TMEM132C: variants seen among roughly 807,000 people sequenced by gnomAD.
TMEM132C encodes the protein protein phosphatase 1, regulatory subunit 152.
A neutral mutation model predicts 61.4 loss-of-function variants in TMEM132C; 29 were observed. That is an observed-to-expected ratio of 0.47 (90% CI 0.35 to 0.64). TMEM132C has a LOEUF of 0.64. Ranked by LOEUF, TMEM132C falls within the 30% of genes least tolerant of loss-of-function variation. The pLI is 0.00. For missense variants in TMEM132C, 1,408 were observed against 1,476.9 expected, an observed-to-expected ratio of 0.95 and a Z score of 0.76; for synonymous variants, 656 against 633.1, an observed-to-expected ratio of 1.04 and a Z score of -0.54.
chr12:128,684,927 C>T (rs940682047), intron 5 of TMEM132C, among the ~76,000 whole-genome samples: 5 of 152,160 alleles, frequency 3.3e-5, no homozygotes, highest in African/African-American at 1.2e-4. Flanking sequence ...GCACATTGCA[C>T]AGGAGATGCC....
chr12:128,615,040 C>T (rs1876753331), intron 3 of TMEM132C, among the ~76,000 whole-genome samples: 1 of 152,214 alleles, frequency 6.6e-6, no homozygotes, highest in African/African-American at 2.4e-5. Context: ...GCCTTCCTGG[C>T]TGCTGCTCTA....
intron 5 of TMEM132C, among the ~76,000 whole-genome samples, chr12:128,691,256 C>T (rs562518080): frequency 1.3e-5 from 2 of 152,350 alleles, no homozygotes; most frequent in African/African-American, 4.8e-5. Flanking sequence ...GGAAACACTG[C>T]CTGAGCACTT....
Position 128,415,656 on chromosome 12 carries a change from A to T in TMEM132C, c.974+36A>T. On this transcript the variant is annotated intron_variant, in intron 2 of 8. Coordinates refer to ENST00000435159, the MANE Select transcript of TMEM132C (RefSeq NM_001136103.3). The surrounding 1 kb of genome is among the most constrained non-coding windows in gnomAD (Gnocchi z 5.8). ...ATGCTTGCCCCTGATCATCTTTGGC[A>T]TGCCTGGTGTGAGACTGGGTTCCAT... 1.4e-6 allele frequency: 2 copies of T among 1,480,326 alleles called. No individual in the cohort carries two copies. The highest frequency in any genetic ancestry group is 4.6e-5 in the Admixed American group (2 of 43,380). The allele number at this position is 1,480,326 out of a possible 1,614,324, so 91.7% of individuals were successfully genotyped here.
intron 2 of TMEM132C, among the ~76,000 whole-genome samples, chr12:128,433,550 C>A (rs1008504863): frequency 6.6e-6 from 1 of 152,162 alleles, no homozygotes; most frequent in Admixed American, 6.5e-5. Flanking sequence ...GGGAAACTGT[C>A]ATCAGGATTT....
At chr12:128,670,701 G>T (rs1954523802) in intron 5 of TMEM132C, among the ~76,000 whole-genome samples, 1 of 152,100 alleles carries the variant, frequency 6.6e-6, no homozygotes, top group Non-Finnish European at 1.5e-5. Flanking sequence ...TGGTGCTTTG[G>T]ACTATGGGTC....
intron 3 of TMEM132C, among the ~76,000 whole-genome samples, chr12:128,615,175 G>A (rs1165074261): frequency 6.6e-6 from 1 of 152,156 alleles, no homozygotes; most frequent in Non-Finnish European, 1.5e-5. Flanking sequence ...TATAGCAGAG[G>A]AGGACAAGCA....
chr12:128,497,119 T>A (rs2136105515), intron 2 of TMEM132C, among the ~76,000 whole-genome samples: 1 of 152,348 alleles, frequency 6.6e-6, no homozygotes, highest in South Asian at 2.1e-4. Context: ...TTTGCCTGGG[T>A]ATCAGCAGTG....
At chr12:128,668,616 T>G (rs961566663) in intron 4 of TMEM132C, among the ~76,000 whole-genome samples, 2 of 152,198 alleles carry the variant, frequency 1.3e-5, no homozygotes, top group African/African-American at 4.8e-5. Context: ...AGTTTCCTGA[T>G]GCTGCGATGA....
intron 2 of TMEM132C, 36 bp from the exon 3 acceptor site, chr12:128,543,921 C>T (rs929794059): frequency 5.8e-6 from 9 of 1,538,616 alleles, no homozygotes; most frequent in East Asian, 2.5e-5. Flanking sequence ...AAGCCTTAAC[C>T]CTGTCTCTCT....
At chr12:128,605,335 A>G (rs968913818) in intron 3 of TMEM132C, among the ~76,000 whole-genome samples, 1 of 152,172 alleles carries the variant, frequency 6.6e-6, no homozygotes, top group Non-Finnish European at 1.5e-5. Context: ...GTCCCAGGCA[A>G]TCAGACAGGA....
intron 1 of TMEM132C, among the ~76,000 whole-genome samples, chr12:128,349,279 A>T (rs945695796): frequency 1.3e-5 from 2 of 152,180 alleles, no homozygotes; most frequent in African/African-American, 4.8e-5. Context: ...CTAGGATTAC[A>T]GGTGTGAGTT....
chr12:128,306,287 C>CT (rs1465075414), intron 1 of TMEM132C, among the ~76,000 whole-genome samples: 21 of 151,000 alleles, frequency 1.4e-4, no homozygotes, highest in Admixed American at 4.0e-4. Flanking sequence ...ACTGCAAGCT[C>CT]TGCCCCCCGG....
chr12:128,281,549 T>C (rs116891132), intron 1 of TMEM132C, among the ~76,000 whole-genome samples: 1 of 152,350 alleles, frequency 6.6e-6, no homozygotes, highest in East Asian at 1.9e-4. Flanking sequence ...ATTTTTCATT[T>C]GCACATTTTG....
intron 1 of TMEM132C, among the ~76,000 whole-genome samples, chr12:128,339,867 A>G (rs1620237): frequency 0.14 from 21,745 of 152,090 alleles, 3,360 homozygotes; most frequent in African/African-American, 0.39. Context: ...CACACACCCA[A>G]GAATCTTGGC....
At chr12:128,401,864 C>T (rs1240704170) in intron 1 of TMEM132C, among the ~76,000 whole-genome samples, 1 of 152,212 alleles carries the variant, frequency 6.6e-6, no homozygotes, top group African/African-American at 2.4e-5. Flanking sequence ...AGTGGTGTTC[C>T]TCCCTCTAGT....
At chr12:128,534,687 A>G (rs928824522) in intron 2 of TMEM132C, among the ~76,000 whole-genome samples, 2 of 152,188 alleles carry the variant, frequency 1.3e-5, no homozygotes, top group Non-Finnish European at 2.9e-5. Context: ...TCTGGTTGCA[A>G]AACTTCTGGT....
intron 3 of TMEM132C, among the ~76,000 whole-genome samples, chr12:128,587,909 G>A (rs1875608717): frequency 6.6e-6 from 1 of 152,190 alleles, no homozygotes; most frequent in Non-Finnish European, 1.5e-5. Flanking sequence ...CAGGCGATAT[G>A]CATTCCAAAT....
At chr12:128,429,537 G>A (rs1032335098) in intron 2 of TMEM132C, among the ~76,000 whole-genome samples, 1 of 152,190 alleles carries the variant, frequency 6.6e-6, no homozygotes, top group African/African-American at 2.4e-5. Context: ...AATGCAAGGA[G>A]CTCTGTCTCT....
chr12:128,348,166 T>A (rs1304333291), intron 1 of TMEM132C, among the ~76,000 whole-genome samples: 1 of 152,250 alleles, frequency 6.6e-6, no homozygotes, highest in Non-Finnish European at 1.5e-5. Context: ...TTTGTTAAAT[T>A]GATGCCTAAG....
Sources: allele counts gnomAD v4.1 joint callset (sites outside exome capture counted in the v4.1 genomes callset), GRCh38; gene constraint gnomAD v4.1.1; non-coding constraint Gnocchi (gnomAD v3.1); transcripts MANE v1.5; gene names NCBI Gene and HGNC (gene_info 2026-07-23, HGNC 2026-07-21).